Variants in EML6 observed in about 807,000 individuals in gnomAD.
The protein encoded by EML6 is echinoderm microtubule-associated protein-like 6.
In EML6, 154 loss-of-function variants were observed where a neutral mutation model predicts 240.1. That is an observed-to-expected ratio of 0.64 (90% CI 0.56 to 0.73). The LOEUF is 0.73. Ranked by LOEUF, EML6 falls within the 30% of genes least tolerant of loss-of-function variation. The pLI is 0.00. For missense variants in EML6, 2,964 were observed against 2,474.6 expected (o/e 1.20, Z -4.20); for synonymous variants, 1,148 against 899.0 (o/e 1.28, Z -4.95).
intron 18 of EML6, 143 bp downstream of exon 18, chr2:54,891,297 C>A: frequency 2.0e-6 from 1 of 501,274 alleles, no homozygotes; most frequent in Non-Finnish European, 3.7e-6. Flanking sequence ...CTCCCAAGTT[C>A]GCTTAGAACG....
At chr2:54,920,647 C>G (rs1010428660) in intron 26 of EML6, among the ~76,000 whole-genome samples, 2 of 152,106 alleles carry the variant, frequency 1.3e-5, no homozygotes, top group African/African-American at 4.8e-5. Context: ...GGAGGGAACA[C>G]TTTTAAACTC....
chr2:54,900,038 A>T (rs1158129114), intron 22 of EML6, among the ~76,000 whole-genome samples: 2 of 152,238 alleles, frequency 1.3e-5, no homozygotes, highest in Non-Finnish European at 2.9e-5. Flanking sequence ...TGGGGGCAAT[A>T]TGTCCTTCCT....
chr2:54,868,166 GAAAT>G (rs1338210500), intron 14 of EML6: 3 of 152,086 alleles, frequency 2.0e-5, no homozygotes, highest in African/African-American at 4.8e-5. Context: ...AAATGTTACT[GAAAT>G]AAATTTTTTT....
At chr2:54,905,422 T>A (rs1673277022) in intron 24 of EML6, among the ~76,000 whole-genome samples, 1 of 149,918 alleles carries the variant, frequency 6.7e-6, no homozygotes, top group East Asian at 2.0e-4. Context: ...TCAATGACTA[T>A]TAGGGATTAA....
chr2:54,953,882 G>A, intron 31 of EML6, 101 bp from the exon 32 acceptor site: 6 of 912,148 alleles, frequency 6.6e-6, no homozygotes, highest in Non-Finnish European at 9.5e-6. Flanking sequence ...GCAAGACTCT[G>A]TCTAAAAAAA....
chr2:54,907,844 C>A (rs1673400221), intron 24 of EML6, among the ~76,000 whole-genome samples: 1 of 151,966 alleles, frequency 6.6e-6, no homozygotes, highest in African/African-American at 2.4e-5. Context: ...TGCTTCTGCT[C>A]CTCATCCTCA....
At chr2:54,859,991 C>A (rs1220954185) in intron 12 of EML6, among the ~76,000 whole-genome samples, 1 of 152,124 alleles carries the variant, frequency 6.6e-6, no homozygotes, top group Non-Finnish European at 1.5e-5. Flanking sequence ...TCATGGACAC[C>A]AAATACACAT....
chr2:54,894,863 G>T, intron 19 of EML6, 52 bp from the exon 20 acceptor site: 1 of 1,287,494 alleles, frequency 7.8e-7, no homozygotes, highest in Non-Finnish European at 1.1e-6. Context: ...GGCCAAGTGG[G>T]TAATTGGTCA....
chr2:54,863,614 A>C (rs1166046180), intron 12 of EML6, among the ~76,000 whole-genome samples, 169 bp from the exon 13 acceptor site: 1 of 152,222 alleles, frequency 6.6e-6, no homozygotes, highest in Non-Finnish European at 1.5e-5. Flanking sequence ...GGGTGGGCTG[A>C]ACTAAACCAA....
chr2:54,884,530 C>T (rs1376993480), intron 17 of EML6, among the ~76,000 whole-genome samples: 1 of 152,190 alleles, frequency 6.6e-6, no homozygotes, highest in East Asian at 1.9e-4. Flanking sequence ...GTGACCCATC[C>T]TGAAGCTACC....
intron 2 of EML6, among the ~76,000 whole-genome samples, chr2:54,803,399 G>A (rs903528851): frequency 6.6e-6 from 1 of 152,116 alleles, no homozygotes; most frequent in Non-Finnish European, 1.5e-5. Flanking sequence ...GTTGACAGTG[G>A]TAATAAATCA....
At chr2:54,954,527 T>C (rs1314962938) in intron 32 of EML6, among the ~76,000 whole-genome samples, 1 of 152,236 alleles carries the variant, frequency 6.6e-6, no homozygotes, top group Non-Finnish European at 1.5e-5. Flanking sequence ...CCCTGGATCC[T>C]ACTACAGCCC....
intron 17 of EML6, among the ~76,000 whole-genome samples, chr2:54,884,495 C>A (rs1236395575): frequency 6.6e-6 from 1 of 152,164 alleles, no homozygotes; most frequent in African/African-American, 2.4e-5. Flanking sequence ...AGTCCCAATC[C>A]TCTACTACTG....
chr2:54,909,689 A>AG (rs1673535822), intron 24 of EML6, among the ~76,000 whole-genome samples: 1 of 152,018 alleles, frequency 6.6e-6, no homozygotes, highest in African/African-American at 2.4e-5. Flanking sequence ...CTACTAAAAA[A>AG]TAGAATTAGC....
rs768906927 is a variant in EML6 at position 54,890,310 on chromosome 2, G to A, written c.2439-744G>A. On this transcript the variant is annotated intron_variant, in intron 17 of 41. Transcript: ENST00000356458. ...TGTCTCTATATTCGTAAGGCAGATC[G>A]GTCAGTCATGTTCTTCTTTTTAATT... Among the ~76,000 whole-genome samples, 13 of 152,138 alleles carry A rather than the reference G, an allele frequency of 8.5e-5. No homozygotes were observed. The South Asian group carries it at 1.7e-3, about 19-fold the overall frequency.
intron 2 of EML6, among the ~76,000 whole-genome samples, chr2:54,789,570 A>G (rs1369505629): frequency 6.7e-6 from 1 of 149,232 alleles, no homozygotes; most frequent in East Asian, 2.0e-4. Flanking sequence ...TGCTTTCCAA[A>G]GTAGACATGG....
At chr2:54,876,733 T>G (rs944781929) in intron 16 of EML6, among the ~76,000 whole-genome samples, 2 of 152,196 alleles carry the variant, frequency 1.3e-5, no homozygotes, top group African/African-American at 4.8e-5. Flanking sequence ...TGCAAATGTT[T>G]ACAGGGTAGA....
chr2:54,951,702 GAAAAA>G (rs11355745), intron 30 of EML6, among the ~76,000 whole-genome samples: 1 of 147,098 alleles, frequency 6.8e-6, no homozygotes, highest in East Asian at 1.9e-4. Context: ...CATGCCTCAA[GAAAAA>G]AAAAAAAACA....
chr2:54,900,985 A>C (rs186699620), intron 22 of EML6, among the ~76,000 whole-genome samples: 2 of 152,324 alleles, frequency 1.3e-5, no homozygotes, highest in Admixed American at 6.5e-5. Flanking sequence ...TGTACTGAGT[A>C]ATTTTATAAG....
Sources: allele counts gnomAD v4.1 joint callset (sites outside exome capture counted in the v4.1 genomes callset), GRCh38; gene constraint gnomAD v4.1.1; transcripts MANE v1.5; gene names NCBI Gene and HGNC (gene_info 2026-07-23, HGNC 2026-07-21).